The following RAD51B variants were observed in gnomAD, a reference collection of about 807,000 sequenced individuals.
The protein encoded by RAD51B is DNA repair protein RAD51 homolog 2.
Under a neutral mutation model 42.2 loss-of-function variants are expected in RAD51B, and 38 were observed. The ratio of observed to expected loss-of-function variants is 0.90; its 90% CI spans 0.70 to 1.18. RAD51B has a LOEUF of 1.18. Among genes scored for constraint, RAD51B ranks in the 50% most tolerant of loss-of-function variants. RAD51B has a pLI of 0.00. For missense variants in RAD51B, 373 were observed against 400.7 expected (o/e 0.93, Z 0.59); for synonymous variants, 154 against 145.2 (o/e 1.06, Z -0.43).
chr14:68,287,967 T>C (rs1311818988), intron 7 of RAD51B, among the ~76,000 whole-genome samples: 3 of 152,126 alleles, frequency 2.0e-5, no homozygotes, highest in African/African-American at 7.2e-5. Context: ...GAGCCCAGGA[T>C]CTAAGTTCAG....
chr14:68,104,894 AT>A (rs1166196876), intron 7 of RAD51B, among the ~76,000 whole-genome samples: 5 of 152,060 alleles, frequency 3.3e-5, no homozygotes, highest in Non-Finnish European at 7.4e-5. Flanking sequence ...CAAATGCATG[AT>A]TTTACTATGC....
At chr14:67,970,592 A>G (rs543739162) in intron 7 of RAD51B, among the ~76,000 whole-genome samples, 2 of 152,028 alleles carry the variant, frequency 1.3e-5, no homozygotes, top group African/African-American at 2.4e-5. Context: ...ATAGAAAGTC[A>G]TATGTAAAAT....
At chr14:68,605,624 C>G (rs1009741977) in intron 10 of RAD51B, among the ~76,000 whole-genome samples, 1 of 152,336 alleles carries the variant, frequency 6.6e-6, no homozygotes, top group Non-Finnish European at 1.5e-5. Context: ...TGTGCTCTCT[C>G]TCTCTTCTCA....
intron 7 of RAD51B, among the ~76,000 whole-genome samples, chr14:68,288,035 G>A (rs961447238): frequency 2.0e-5 from 3 of 152,176 alleles, no homozygotes; most frequent in Non-Finnish European, 4.4e-5. Flanking sequence ...CACAAATTTA[G>A]TACTGAGCAT....
At chr14:68,201,777 G>T (rs570359170) in intron 7 of RAD51B, among the ~76,000 whole-genome samples, 17 of 152,292 alleles carry the variant, frequency 1.1e-4, no homozygotes, top group African/African-American at 3.8e-4. Context: ...TTTAAATAAG[G>T]CTTACAAGAA....
At chr14:68,057,089 C>CA (rs895900959) in intron 7 of RAD51B, among the ~76,000 whole-genome samples, 1,639 of 91,450 alleles carry the variant, frequency 0.018, 14 homozygotes, top group Middle Eastern at 0.065. Flanking sequence ...AACTCCGTCT[C>CA]AAAAAAAAAA....
chr14:68,027,697 G>T (rs1432252831), intron 7 of RAD51B, among the ~76,000 whole-genome samples: 1 of 151,934 alleles, frequency 6.6e-6, no homozygotes, highest in East Asian at 1.9e-4. Flanking sequence ...TTTCAGTTTG[G>T]TTCTTTCTGA....
intron 7 of RAD51B, among the ~76,000 whole-genome samples, chr14:68,230,570 C>T (rs1377451971): frequency 6.6e-6 from 1 of 152,186 alleles, no homozygotes; most frequent in African/African-American, 2.4e-5. Context: ...CAAAGCCAAG[C>T]ACTTTTGGTG....
intron 10 of RAD51B, among the ~76,000 whole-genome samples, chr14:68,619,839 C>A (rs1261159025): frequency 1.3e-5 from 2 of 152,220 alleles, no homozygotes; most frequent in Non-Finnish European, 1.5e-5. Flanking sequence ...GCATAGTGCA[C>A]CTTTTCTGTC....
intron 8 of RAD51B, among the ~76,000 whole-genome samples, chr14:68,347,978 C>T (rs942933754): frequency 6.6e-6 from 1 of 152,170 alleles, no homozygotes; most frequent in African/African-American, 2.4e-5. Context: ...GGGCCCTGAA[C>T]ATCAACAGGG....
At chr14:67,875,559 A>C (rs1249347230) in intron 5 of RAD51B, among the ~76,000 whole-genome samples, 1 of 152,196 alleles carries the variant, frequency 6.6e-6, no homozygotes, top group African/African-American at 2.4e-5. Context: ...AATTGCCTAC[A>C]ATATTCAGTA....
intron 9 of RAD51B, among the ~76,000 whole-genome samples, chr14:68,454,216 A>C (rs1279540244): frequency 6.6e-6 from 1 of 152,202 alleles, no homozygotes; most frequent in Non-Finnish European, 1.5e-5. Flanking sequence ...GTCAAAATTG[A>C]ATAGGGGGAG....
At chr14:68,241,526 G>A (rs1244071420) in intron 7 of RAD51B, among the ~76,000 whole-genome samples, 1 of 152,140 alleles carries the variant, frequency 6.6e-6, no homozygotes, top group East Asian at 1.9e-4. Context: ...GGGCGACAGA[G>A]TGAGACTCCG....
In RAD51B at chr14:67,887,006, A is replaced by G. The variant is rs770007179; in HGVS notation, c.573-15A>G. 1.4e-6 allele frequency: 2 copies of G among 1,421,878 alleles called. No homozygotes were observed. Among genetic ancestry groups the G allele is most frequent in the East Asian group, 4.7e-5 (2 of 42,986 alleles). 88.1% of individuals were successfully genotyped at this position (1,421,878 alleles called of 1,614,324 possible). ...CTTAAATTTATTGACTATTTTATAA[A>G]TTCTTCTTTTATAGGATTGAATCTT... On this transcript the variant is annotated splice_polypyrimidine_tract_variant and intron_variant, in intron 6 of 10. Coordinates refer to ENST00000471583, the MANE Select transcript of RAD51B (RefSeq NM_133510.4).
intron 10 of RAD51B, among the ~76,000 whole-genome samples, chr14:68,493,959 C>T (rs181872234): frequency 6.6e-6 from 1 of 152,060 alleles, no homozygotes; most frequent in African/African-American, 2.4e-5. Context: ...TGGAGGAGCT[C>T]GAGGTTCAGC....
chr14:68,598,952 G>C (rs111467055), downstream of RAD51B, among the ~76,000 whole-genome samples: 1 of 152,198 alleles, frequency 6.6e-6, no homozygotes, highest in Middle Eastern at 3.2e-3. Context: ...AGATATCACT[G>C]AGAGGAACTG....
intron 4 of RAD51B, among the ~76,000 whole-genome samples, chr14:67,855,788 C>T (rs1030434480): frequency 2.6e-5 from 4 of 152,184 alleles, no homozygotes; most frequent in African/African-American, 7.2e-5. Context: ...CTTCAGGCTG[C>T]AGTGAGGTTC....
At chr14:67,998,234 T>C (rs529180359) in intron 7 of RAD51B, among the ~76,000 whole-genome samples, 1 of 152,350 alleles carries the variant, frequency 6.6e-6, no homozygotes, top group East Asian at 1.9e-4. Flanking sequence ...TAACGTTACA[T>C]AAACATGGGT....
At chr14:68,296,348 A>G (rs1482710348) in intron 8 of RAD51B, among the ~76,000 whole-genome samples, 1 of 152,162 alleles carries the variant, frequency 6.6e-6, no homozygotes, top group Non-Finnish European at 1.5e-5. Flanking sequence ...ATTTCATTTC[A>G]TTGACAGAAG....
Sources: allele counts gnomAD v4.1 joint callset (sites outside exome capture counted in the v4.1 genomes callset), GRCh38; gene constraint gnomAD v4.1.1; transcripts MANE v1.5; gene names NCBI Gene and HGNC (gene_info 2026-07-23, HGNC 2026-07-21).